The following CHD9 variants were observed in gnomAD, a reference collection of about 807,000 sequenced individuals.
CHD9 encodes the protein chromodomain helicase DNA binding protein 9, also known as ATP-dependent chromatin remodeler CHD9.
In CHD9, 77 loss-of-function variants were observed where a neutral mutation model predicts 316.1. The ratio of observed to expected loss-of-function variants is 0.24; its 90% CI spans 0.20 to 0.29. The LOEUF is 0.29. Ranked by LOEUF, CHD9 falls within the 10% of genes least tolerant of loss-of-function variation. CHD9 has a pLI of 1.00. For synonymous variants in CHD9, 1,129 were observed against 1,158.3 expected (o/e 0.97, Z 0.51); for missense variants, 2,763 against 3,438.1 (o/e 0.80, Z 4.91).
At chr16:53,104,259 C>G (rs1263374616) in intron 1 of CHD9, among the ~76,000 whole-genome samples, 1 of 152,162 alleles carries the variant, frequency 6.6e-6, no homozygotes, top group Non-Finnish European at 1.5e-5. Flanking sequence ...GATTATGGCA[C>G]AGTTAGAAAT....
chr16:53,155,274 G>C (rs1216929647), intron 1 of CHD9, among the ~76,000 whole-genome samples: 1 of 151,418 alleles, frequency 6.6e-6, no homozygotes, highest in Non-Finnish European at 1.5e-5. Context: ...CCAGGCTGGA[G>C]TGCAGTGGCA....
chr16:53,166,625 T>G (rs1445934933), intron 2 of CHD9, among the ~76,000 whole-genome samples: 2 of 152,164 alleles, frequency 1.3e-5, no homozygotes, highest in Non-Finnish European at 2.9e-5. Context: ...TACTTAAGTA[T>G]GAATGACAAG....
chr16:53,068,763 T>C (rs750227942), intron 1 of CHD9, among the ~76,000 whole-genome samples: 6 of 152,322 alleles, frequency 3.9e-5, no homozygotes, highest in Non-Finnish European at 7.4e-5. Context: ...GCTTGCGGTC[T>C]TGTTTATACC....
intron 3 of CHD9, among the ~76,000 whole-genome samples, chr16:53,213,322 C>G (rs1184603788): frequency 6.6e-6 from 1 of 152,024 alleles, no homozygotes; most frequent in Admixed American, 6.6e-5. Context: ...GCCTGGAAAA[C>G]TTTTATCTGC....
At position 53,318,195 on chromosome 16, in the gene CHD9, TTATC is replaced by T. The variant is rs1384040671; in HGVS notation, c.7585-13_7585-10del. 10 of 1,595,720 alleles carry T rather than the reference TTATC, an allele frequency of 6.3e-6. No individual in the cohort carries two copies. The South Asian group carries it at 6.9e-5, about 11-fold the overall frequency. The stretch of plus-strand genomic sequence containing the variant: ...AGTTAAAGACTTTAAAGATATGTCT[TTATC>T]TATATATTTTAGAGAATGCAGCTTC... On this transcript the variant is annotated splice_polypyrimidine_tract_variant and intron_variant, in intron 36 of 38. Transcript: ENST00000447540.
At chr16:53,234,965 G>A (rs767658037) in intron 10 of CHD9, among the ~76,000 whole-genome samples, 4 of 152,040 alleles carry the variant, frequency 2.6e-5, no homozygotes, top group Non-Finnish European at 5.9e-5. Context: ...TCTGATTTTG[G>A]TATCAGGGCT....
chr16:53,176,189 A>T (rs1226659735), intron 2 of CHD9, among the ~76,000 whole-genome samples: 1 of 152,230 alleles, frequency 6.6e-6, no homozygotes, highest in Non-Finnish European at 1.5e-5. Context: ...CTAGGGGATG[A>T]TCAATTTTCT....
chr16:53,102,818 C>T (rs1474716144), intron 1 of CHD9, among the ~76,000 whole-genome samples: 3 of 151,932 alleles, frequency 2.0e-5, no homozygotes, highest in Non-Finnish European at 4.4e-5. Context: ...CCACTGAACT[C>T]CAGCCTGGGT....
At chr16:53,251,884 T>A (rs1013852442) in intron 17 of CHD9, among the ~76,000 whole-genome samples, 5 of 151,984 alleles carry the variant, frequency 3.3e-5, no homozygotes, top group African/African-American at 1.2e-4. Context: ...ATGACCCAGC[T>A]TAGAAAGAAA....
At chr16:53,208,112 A>G (rs1256787759) in intron 2 of CHD9, 2 of 1,027,880 alleles carry the variant, frequency 1.9e-6, no homozygotes, top group South Asian at 3.1e-5. Flanking sequence ...AGCCTTTTTC[A>G]TACCTAAATA....
intron 1 of CHD9, 103 bp from the exon 2 acceptor site, chr16:53,155,823 G>A (rs2041484115): frequency 2.6e-6 from 1 of 388,940 alleles, no homozygotes; most frequent in African/African-American, 2.1e-5. Flanking sequence ...GGTATTTTGT[G>A]ACTGACCTCT....
chr16:53,116,899 AG>A (rs1163474494), intron 1 of CHD9, among the ~76,000 whole-genome samples: 1 of 152,236 alleles, frequency 6.6e-6, no homozygotes, highest in African/African-American at 2.4e-5. Context: ...AGCCATAAAA[AG>A]GAACAAGATC....
chr16:53,267,959 G>C lies in CHD9; in HGVS notation c.4550G>C (p.Gly1517Ala). Residue 1517 changes from glycine to alanine, a missense_variant, in exon 22 of 39, where the codon GGC (glycine) becomes GCC (alanine). This residue lies in a region of CHD9 where 99 missense variants were observed against 131.6 expected (regional missense o/e 0.75). Transcript: ENST00000447540. ...CGATGGAGAGAGATTCTATCTCATG[G>C]CCGTTTCAAAAGGCAGCTAAATGAA... is the stretch of plus-strand genomic sequence containing the variant. ...WGRWREILSH[G>A]RFKRQLNEHD... is the part of the protein sequence containing the mutation. 6.2e-7 allele frequency: 1 copy of C among 1,613,414 alleles called. No homozygotes were observed. The highest frequency in any genetic ancestry group is 8.5e-7 in the Non-Finnish European group (1 of 1,179,632).
Position 53,303,091 on chromosome 16 carries a change from A to G in CHD9, c.5714-629A>G, listed in dbSNP as rs551023076. Among the ~76,000 whole-genome samples, 22 of 152,222 alleles carry G rather than the reference A, an allele frequency of 1.4e-4. No homozygotes were observed. In the South Asian group the frequency reaches 4.2e-3, roughly 29 times the overall value. On this transcript the variant is annotated intron_variant, in intron 30 of 38. Transcript: ENST00000447540. ...GCCAGCTTACATTTGTTTATGGAGT[A>G]TCACTTAACACAAGCTTGTCCAACC...
At chr16:53,131,087 C>CCCACCGCCCGCCGCTGCCAT (rs2039253017) in intron 1 of CHD9, 2 of 152,598 alleles carry the variant, frequency 1.3e-5, no homozygotes, top group Non-Finnish European at 2.9e-5. Flanking sequence ...GCCGCTGCCA[C>CCCACCGCCCGCCGCTGCCAT]CCACCGCCTC....
At chr16:53,124,799 G>A (rs186525192) in intron 1 of CHD9, among the ~76,000 whole-genome samples, 36 of 152,162 alleles carry the variant, frequency 2.4e-4, no homozygotes, top group Admixed American at 2.0e-3. Context: ...TTACTATCAC[G>A]AGAACAACAT....
rs750572537 is a variant in CHD9 at position 53,171,861 on chromosome 16, GACACACACACACAC to G, written c.1452+14348_1452+14361del. On this transcript the variant is annotated intron_variant, in intron 2 of 38. Coordinates refer to ENST00000447540, the MANE Select transcript of CHD9 (RefSeq NM_001308319.2). ...ACACACACACACACACACACACACA[GACACACACACACAC>G]ACACACACACACACACACACACACA... Among the ~76,000 whole-genome samples, 84 of 124,946 alleles carry G rather than the reference GACACACACACACAC, an allele frequency of 6.7e-4. 2 individuals are homozygous for G. The South Asian group carries it at 0.015, about 23-fold the overall frequency. The allele number at this position is 124,946 out of a possible 152,430, so 82.0% of individuals were successfully genotyped here.
At chr16:53,233,556 C>A (rs1190951249) in intron 10 of CHD9, among the ~76,000 whole-genome samples, 1 of 152,112 alleles carries the variant, frequency 6.6e-6, no homozygotes. Context: ...ATGATTGATT[C>A]AATCATCTAA....
At chr16:53,217,767 T>A (rs2046882496) in intron 3 of CHD9, among the ~76,000 whole-genome samples, 1 of 151,470 alleles carries the variant, frequency 6.6e-6, no homozygotes. Context: ...TCATTTTATT[T>A]AAAAAAAAAT....
Sources: allele counts gnomAD v4.1 joint callset (sites outside exome capture counted in the v4.1 genomes callset), GRCh38; gene constraint gnomAD v4.1.1; regional missense constraint gnomAD v4.1.1; transcripts MANE v1.5; gene names NCBI Gene and HGNC (gene_info 2026-07-23, HGNC 2026-07-21).